Variants in HAND2 observed in about 807,000 individuals in gnomAD.
HAND2 encodes the protein heart and neural crest derivatives expressed 2, also known as heart- and neural crest derivatives-expressed protein 2.
In HAND2, 2 loss-of-function variants were observed where a neutral mutation model predicts 14.7. The observed-to-expected ratio is 0.14, with a 90% CI of 0.06 to 0.43. The LOEUF (loss-of-function observed/expected upper bound fraction) is 0.43, where lower values mean the gene tolerates loss of function less well. Ranked by LOEUF, HAND2 falls within the 20% of genes least tolerant of loss-of-function variation. The pLI, the probability that HAND2 is intolerant of heterozygous loss-of-function variation, is 0.99. For synonymous variants in HAND2, 162 were observed against 135.9 expected (o/e 1.19, Z -1.34); for missense variants, 275 against 313.6 (o/e 0.88, Z 0.93).
rs76525259 is a variant in HAND2, at chr4:173,526,569, A to C, written c.*708T>G. The C allele has an allele frequency of 0.042, 6,891 of 162,856 alleles. 530 individuals carry two copies. Among genetic ancestry groups the C allele is most frequent in the African/African-American group, 0.15 (6,443 of 41,576 alleles). The allele number at this position is 162,856 out of a possible 1,614,324, so 10.1% of individuals were successfully genotyped here. On this transcript the variant is annotated 3_prime_UTR_variant, in exon 2 of 2. Coordinates refer to ENST00000359562, the MANE Select transcript of HAND2 (RefSeq NM_021973.3). ...AAACAAGTATAACAGCTTTGTTTTC[A>C]AAACTCTTTTGAGGTATCAGCCATT...
Position 173,527,160 on chromosome 4 carries a change from C to T in HAND2, c.*117G>A, listed in dbSNP as rs1481301250. ...TTGCACATAAATAAACCGGATGATTCCAAATGCAAGGAGTCCTCAGAGCGG... is the reference window on the plus strand; with the variant it reads ...TTGCACATAAATAAACCGGATGATTTCAAATGCAAGGAGTCCTCAGAGCGG... On this transcript the variant is annotated 3_prime_UTR_variant, in exon 2 of 2. Transcript: ENST00000359562. The T allele has an allele frequency of 1.3e-6, 1 of 755,254 alleles. No individual in the cohort carries two copies. The highest frequency in any genetic ancestry group is 2.4e-6 in the Non-Finnish European group (1 of 419,276). The allele number at this position is 755,254 out of a possible 1,614,324, so 46.8% of individuals were successfully genotyped here.
At position 173,527,113 on chromosome 4, in the gene HAND2, G is replaced by T; in HGVS notation, c.*164C>A. ...GACGGGGAGCAGATGCCTCAAAGGG[G>T]GTCAAAGAGAGGGGAAGGAAATTGC... On this transcript the variant is annotated 3_prime_UTR_variant, in exon 2 of 2. Transcript: ENST00000359562. 1.4e-6 allele frequency: 1 copy of T among 704,014 alleles called. No individual in the cohort carries two copies. The highest frequency in any genetic ancestry group is 1.5e-5 in the South Asian group (1 of 67,198). The allele number at this position is 704,014 out of a possible 1,614,324, so 43.6% of individuals were successfully genotyped here. A position where few individuals can be genotyped will look rare whatever the true frequency, so the allele number is the denominator to read the frequency against.
At position 173,526,599 on chromosome 4, in the gene HAND2, G is replaced by A. The variant is rs568339312; in HGVS notation, c.*678C>T. The stretch of plus-strand genomic sequence containing the variant: ...TCTTTTGAGGTATCAGCCATTAAAA[G>A]ATTAAGGTTTTTGTAAAAAAAAAAC... On this transcript the variant is annotated 3_prime_UTR_variant, in exon 2 of 2. Coordinates refer to ENST00000359562, the MANE Select transcript of HAND2 (RefSeq NM_021973.3). The A allele has an allele frequency of 6.2e-6, 1 of 161,640 alleles. No homozygotes were observed. Among genetic ancestry groups the A allele is most frequent in the African/African-American group, 2.5e-5 (1 of 40,010 alleles). 10.0% of individuals were successfully genotyped at this position (161,640 alleles called of 1,614,324 possible). A position where few individuals can be genotyped will look rare whatever the true frequency, so the allele number is the denominator to read the frequency against.
Position 173,528,871 on chromosome 4 carries a change from G to A in HAND2, c.419C>T (p.Thr140Ile). The change falls in exon 1 of 2, where the codon ACC becomes ATC. Residue 140 changes from threonine (T) to isoleucine (I), a missense_variant. Physicochemically the swap from Thr to Ile is moderately conservative, Grantham distance 89. Transcript: ENST00000359562. This position sits in a 1 kb window ranked among gnomAD's most constrained non-coding sequence, Gnocchi z 5.6. Reference sequence around the variant, plus strand: ...GATGTAGCTGGTGGCCAGGCGCAGGGTCTTGATTTTGGAGAGTTTGGTGTC... The same window carrying A: ...GATGTAGCTGGTGGCCAGGCGCAGGATCTTGATTTTGGAGAGTTTGGTGTC... ...PADTKLSKIK[T>I]LRLATSYIAY... 6.2e-7 allele frequency: 1 copy of A among 1,614,206 alleles called. No homozygotes were observed. The highest frequency in any genetic ancestry group is 8.5e-7 in the Non-Finnish European group (1 of 1,180,034).
rs979011359 is a variant in HAND2 at position 173,529,190 on chromosome 4, G to T, written c.100C>A (p.Arg34Ser). 1 of 1,439,962 alleles carries T rather than the reference G, an allele frequency of 6.9e-7. No individual in the cohort carries two copies. The highest frequency in any genetic ancestry group is 3.1e-5 in the Admixed American group (1 of 32,086). 89.2% of individuals were successfully genotyped at this position (1,439,962 alleles called of 1,614,324 possible). A position where few individuals can be genotyped will look rare whatever the true frequency, so the allele number is the denominator to read the frequency against. Residue 34 changes from arginine (R) to serine (S), a missense_variant, in exon 1 of 2, where the codon CGC becomes AGC. Transcript: ENST00000359562. ...AAAAAAAAAS[R>S]CSHEENPYFH... ...TAGGGGTTCTCCTCATGGCTGCAGC[G>T]GCTGGCGGCGGCGGCGGCAGCTGCG...
rs1213792069 is a variant in HAND2 at position 173,529,461 on chromosome 4, T to TC, written c.-173dup. ...GGGGGCTGCTGCAGCCCGGGCCCCG[T>TC]CCCCCCGCCTGGCCAGCCGGGCCCG... On this transcript the variant is annotated 5_prime_UTR_variant, in exon 1 of 2. Transcript: ENST00000359562. 3.6e-4 allele frequency: 52 copies of TC among 142,938 alleles called. No homozygotes were observed. Among genetic ancestry groups the TC allele is most frequent in the Non-Finnish European group, 4.8e-4 (39 of 81,884 alleles). 8.9% of individuals were successfully genotyped at this position (142,938 alleles called of 1,614,324 possible). A position where few individuals can be genotyped will look rare whatever the true frequency, so the allele number is the denominator to read the frequency against.
chr4:173,527,407 T>C, intron 1 of HAND2, 32 bp from the exon 2 acceptor site: 10 of 1,480,094 alleles, frequency 6.8e-6, no homozygotes, highest in African/African-American at 1.4e-5. Flanking sequence ...GCGAGAAAAG[T>C]GGAAAGAGAA....
rs1731613628 is a variant in HAND2 at position 173,529,209 on chromosome 4, A to C, written c.81T>G (p.Ala27=). The change falls in exon 1 of 2, where the codon GCT becomes GCG. Residue 27 remains alanine, a synonymous_variant. Coordinates refer to ENST00000359562, the MANE Select transcript of HAND2 (RefSeq NM_021973.3). ...TGCAGCGGCTGGCGGCGGCGGCGGC[A>C]GCTGCGGCGGCGGCGGCGGCAAACG... ...GYPFAAAAAA[A]AAAAASRCSH... The C allele has an allele frequency of 1.6e-5, 23 of 1,425,210 alleles. No homozygotes were observed. The highest frequency in any genetic ancestry group is 2.1e-5 in the Non-Finnish European group (23 of 1,095,888). The allele number at this position is 1,425,210 out of a possible 1,614,324, so 88.3% of individuals were successfully genotyped here.
At chr4:173,527,587 A>C in intron 1 of HAND2, 1 of 589,976 alleles carries the variant, frequency 1.7e-6, no homozygotes, top group South Asian at 2.0e-5. Context: ...AGCGCTCAAC[A>C]ACCGGATCCA....
chr4:173,527,382 A>T lies in HAND2; in HGVS notation c.556-7T>A. ...TGCTTTTCAAGATTTCGTTCTGGAC[A>T]GAGGAAAGGCGAGGGCGAGAAAAGT... On this transcript the variant is annotated splice_region_variant and splice_polypyrimidine_tract_variant and intron_variant, in intron 1 of 1. Coordinates refer to ENST00000359562, the MANE Select transcript of HAND2 (RefSeq NM_021973.3). The T allele has an allele frequency of 6.2e-7, 1 of 1,601,840 alleles. No individual in the cohort carries two copies. The highest frequency in any genetic ancestry group is 8.6e-7 in the Non-Finnish European group (1 of 1,168,904).
chr4:173,527,509 T>C (rs1579036975), intron 1 of HAND2, 134 bp from the exon 2 acceptor site: 1 of 742,334 alleles, frequency 1.3e-6, no homozygotes, highest in Non-Finnish European at 2.4e-6. Context: ...GATGGGGGAG[T>C]CCCAGCCCCT....
chr4:173,527,386 GA>G lies in HAND2; in HGVS notation c.556-12del. On this transcript the variant is annotated splice_polypyrimidine_tract_variant and intron_variant, in intron 1 of 1. Coordinates refer to ENST00000359562, the MANE Select transcript of HAND2 (RefSeq NM_021973.3). ...TTTCAAGATTTCGTTCTGGACAGAG[GA>G]AAGGCGAGGGCGAGAAAAGTGGAAA... 1 of 1,588,820 alleles carries G rather than the reference GA, an allele frequency of 6.3e-7. No individual in the cohort carries two copies. Among genetic ancestry groups the G allele is most frequent in the Non-Finnish European group, 8.6e-7 (1 of 1,157,130 alleles).
rs748157629 is a variant in HAND2, at chr4:173,529,215, G to T, written c.75C>A (p.Ala25=). 8.8e-5 allele frequency: 123 copies of T among 1,396,594 alleles called. No homozygotes were observed. The highest frequency in any genetic ancestry group is 1.0e-4 in the Non-Finnish European group (110 of 1,079,966). 86.5% of individuals were successfully genotyped at this position (1,396,594 alleles called of 1,614,324 possible). ...GGCTGGCGGCGGCGGCGGCAGCTGC[G>T]GCGGCGGCGGCGGCAAACGGGTAGC... The part of the protein sequence containing the change: ...HEGYPFAAAA[A]AAAAAAASRC... The change falls in exon 1 of 2, where the codon GCC becomes GCA. Residue 25 remains alanine (A), a synonymous_variant. Coordinates refer to ENST00000359562, the MANE Select transcript of HAND2 (RefSeq NM_021973.3).
At position 173,529,202 on chromosome 4, in the gene HAND2, C is replaced by G. The variant is rs754791452; in HGVS notation, c.88G>C (p.Ala30Pro). 1 of 1,427,840 alleles carries G rather than the reference C, an allele frequency of 7.0e-7. No homozygotes were observed. The highest frequency in any genetic ancestry group is 9.1e-7 in the Non-Finnish European group (1 of 1,097,228). 88.4% of individuals were successfully genotyped at this position (1,427,840 alleles called of 1,614,324 possible). ...FAAAAAAAAAAAASRCSHEEN... is the reference protein window; with the variant it reads ...FAAAAAAAAAPAASRCSHEEN... ...TCATGGCTGCAGCGGCTGGCGGCGGCGGCGGCAGCTGCGGCGGCGGCGGCG... is the reference window on the plus strand; with the variant it reads ...TCATGGCTGCAGCGGCTGGCGGCGGGGGCGGCAGCTGCGGCGGCGGCGGCG... The change falls in exon 1 of 2, where the codon GCC becomes CCC. Residue 30 changes from alanine to proline, a missense_variant. By Grantham distance (27) the Ala-to-Pro change is conservative (BLOSUM62 -1). Around this residue, in one of 4 missense-constraint regions of HAND2, gnomAD observed 175 missense variants for 157.1 expected, o/e 1.11. Coordinates refer to ENST00000359562, the MANE Select transcript of HAND2 (RefSeq NM_021973.3).
chr4:173,527,352 C>T lies in HAND2; in HGVS notation c.579G>A (p.Val193=), dbSNP rs372335812. 3.1e-5 allele frequency: 50 copies of T among 1,613,638 alleles called. No homozygotes were observed. In the African/African-American group the frequency reaches 5.2e-4, roughly 17 times the overall value. The change falls in exon 2 of 2, where the codon GTG becomes GTA. Residue 193 remains valine, a synonymous_variant. Transcript: ENST00000359562. ...CTTTGGTTTTCTTGTCGTTGCTGCT[C>T]ACTGTGCTTTTCAAGATTTCGTTCT... ...KELNEILKST[V]SSNDKKTKGR...
In HAND2 at chr4:173,529,434, G is replaced by C. The variant is rs1183453273; in HGVS notation, c.-145C>G. ...CGCCCGGGCCCGCCCGGCAGCCGCA[G>C]AGGGGGCTGCTGCAGCCCGGGCCCC... On this transcript the variant is annotated 5_prime_UTR_variant, in exon 1 of 2. Transcript: ENST00000359562. 1 of 249,594 alleles carries C rather than the reference G, an allele frequency of 4.0e-6. No individual in the cohort carries two copies. The highest frequency in any genetic ancestry group is 5.7e-6 in the Non-Finnish European group (1 of 174,086). The allele number at this position is 249,594 out of a possible 1,614,324, so 15.5% of individuals were successfully genotyped here.
In HAND2 at chr4:173,529,221, G is replaced by T; in HGVS notation, c.69C>A (p.Ala23=). The change falls in exon 1 of 2, where the codon GCC becomes GCA. Residue 23 remains alanine (A), a synonymous_variant. Transcript: ENST00000359562. The part of the protein sequence containing the change: ...VHHEGYPFAA[A]AAAAAAAAAS... ...CGGCGGCGGCGGCAGCTGCGGCGGC[G>T]GCGGCGGCAAACGGGTAGCCCTCGT... The T allele has an allele frequency of 7.0e-7, 1 of 1,423,148 alleles. No individual in the cohort carries two copies. The highest frequency in any genetic ancestry group is 9.1e-7 in the Non-Finnish European group (1 of 1,094,324). 88.2% of individuals were successfully genotyped at this position (1,423,148 alleles called of 1,614,324 possible).
rs1273179865 is a variant in HAND2 at position 173,529,178 on chromosome 4, C to G, written c.112G>C (p.Glu38Gln). The part of the protein sequence containing the change: ...AAAAASRCSH[E>Q]ENPYFHGWLI... ...CAGCCATGGAAGTAGGGGTTCTCCTCATGGCTGCAGCGGCTGGCGGCGGCG... is the reference window on the plus strand; with the variant it reads ...CAGCCATGGAAGTAGGGGTTCTCCTGATGGCTGCAGCGGCTGGCGGCGGCG... Residue 38 changes from glutamate to glutamine, a missense_variant, in exon 1 of 2, where the codon GAG becomes CAG. Coordinates refer to ENST00000359562, the MANE Select transcript of HAND2 (RefSeq NM_021973.3). 6.9e-7 allele frequency: 1 copy of G among 1,458,696 alleles called. No homozygotes were observed. The highest frequency in any genetic ancestry group is 9.0e-7 in the Non-Finnish European group (1 of 1,114,084). 90.4% of individuals were successfully genotyped at this position (1,458,696 alleles called of 1,614,324 possible). A position where few individuals can be genotyped will look rare whatever the true frequency, so the allele number is the denominator to read the frequency against.
Position 173,529,011 on chromosome 4 carries a change from C to A in HAND2, c.279G>T (p.Gly93=). 1.3e-6 allele frequency: 2 copies of A among 1,593,920 alleles called. No individual in the cohort carries two copies. Among genetic ancestry groups the A allele is most frequent in the Non-Finnish European group, 1.7e-6 (2 of 1,172,866 alleles). The change falls in exon 1 of 2, where the codon GGG becomes GGT. Residue 93 remains glycine, a synonymous_variant. Transcript: ENST00000359562. The part of the protein sequence containing the change: ...VPPGAGPPGL[G]GPRPVKRRGT... Reference sequence around the variant, plus strand: ...CTCGGCGCTTCACCGGGCGCGGCCCCCCCAGGCCCGGGGGCCCGGCGCCCG... The same window carrying A: ...CTCGGCGCTTCACCGGGCGCGGCCCACCCAGGCCCGGGGGCCCGGCGCCCG...
Sources: gnomAD v4.1 joint callset for allele counts on GRCh38, gnomAD v4.1.1 for gene constraint, gnomAD v4.1.1 regional missense constraint, Gnocchi (gnomAD v3.1) non-coding constraint, MANE v1.5 for transcripts, NCBI Gene and HGNC (gene_info 2026-07-23, HGNC 2026-07-21) for gene names.